Variants in ISCU observed in about 807,000 individuals in gnomAD.
ISCU encodes iron-sulfur cluster assembly enzyme ISCU.
In ISCU, 13 loss-of-function variants were observed where a neutral mutation model predicts 18.4. That is an observed-to-expected ratio of 0.71 (90% CI 0.46 to 1.12). The LOEUF (loss-of-function observed/expected upper bound fraction) is 1.12. Among genes scored for constraint, ISCU ranks in the 50% most tolerant of loss-of-function variants. The pLI, the probability that ISCU is intolerant of heterozygous loss-of-function variation, is 0.00. For missense variants in ISCU, 229 were observed against 208.7 expected (o/e 1.10, Z -0.60); for synonymous variants, 104 against 87.5 (o/e 1.19, Z -1.06).
intron 4 of ISCU, chr12:108,568,596 T>A (rs760092585): frequency 1.4e-5 from 20 of 1,398,300 alleles, no homozygotes; most frequent in Non-Finnish European, 1.7e-5. Context: ...GCTAAGGAAC[T>A]AGCCTGGGAT....
rs1475529281 is a variant in ISCU, at chr12:108,564,272, A to G, written c.115-7A>G. The G allele has an allele frequency of 6.2e-7, 1 of 1,607,792 alleles. No individual in the cohort carries two copies. The highest frequency in any genetic ancestry group is 8.5e-7 in the Non-Finnish European group (1 of 1,174,214). On this transcript the variant is annotated splice_polypyrimidine_tract_variant and splice_region_variant and intron_variant, in intron 1 of 4. Transcript: ENST00000311893. ...GAACATGATTTATCTTAACCCTCTCATTTTAGGTTGTTGATCATTATGAAA... is the reference window on the plus strand; with the variant it reads ...GAACATGATTTATCTTAACCCTCTCGTTTTAGGTTGTTGATCATTATGAAA...
At position 108,567,130 on chromosome 12, in the gene ISCU, G is replaced by T. The variant is rs10861945; in HGVS notation, c.340-60G>T. 1,042,157 of 1,270,342 alleles carry T rather than the reference G, an allele frequency of 0.82. 432,265 individuals carry two copies. Among genetic ancestry groups the T allele is most frequent in the East Asian group, 0.93 (40,140 of 43,288 alleles). 78.7% of individuals were successfully genotyped at this position (1,270,342 alleles called of 1,614,324 possible). ...CCTCTTTGGCCTCCCTTTTTTATTG[G>T]CTGGCCCTCACAAGATAAAGTGTTG... On this transcript the variant is annotated intron_variant, in intron 3 of 4. Coordinates refer to ENST00000311893, the MANE Select transcript of ISCU (RefSeq NM_213595.4).
At chr12:108,567,754 C>T (rs1199856463) in intron 4 of ISCU, 7 of 1,535,696 alleles carry the variant, frequency 4.6e-6, no homozygotes, top group Non-Finnish European at 6.1e-6. Flanking sequence ...GTATTCCTGT[C>T]GGGGTCTGCA....
Position 108,565,436 on chromosome 12 carries a change from G to C in ISCU, c.339+5G>C, listed in dbSNP as rs1258454269. The C allele has an allele frequency of 6.3e-7, 1 of 1,586,424 alleles. No homozygotes were observed. The highest frequency in any genetic ancestry group is 1.3e-5 in the African/African-American group (1 of 74,462). ...GAATGGGTGAAAGGAAAGACGGTAA[G>C]GTGGCTCACAAATCTAATGGGTCAA... is the stretch of plus-strand genomic sequence containing the variant. On this transcript the variant is annotated splice_donor_5th_base_variant and intron_variant, in intron 3 of 4. Coordinates refer to ENST00000311893, the MANE Select transcript of ISCU (RefSeq NM_213595.4).
chr12:108,563,883 C>T, intron 1 of ISCU: 1 of 621,664 alleles, frequency 1.6e-6, no homozygotes, highest in East Asian at 2.8e-5. Context: ...CTCCCTGGGC[C>T]ATGGTTATTT....
chr12:108,562,866 C>T (rs1408241268), intron 1 of ISCU, 130 bp downstream of exon 1: 4 of 468,972 alleles, frequency 8.5e-6, no homozygotes, highest in African/African-American at 4.0e-5. Context: ...ACTCGCTTTC[C>T]CTTGCTGCGC....
Position 108,562,618 on chromosome 12 carries a change from G to C in ISCU, c.-5G>C. Reference sequence around the variant, plus strand: ...TCTGGACTGGCGCAGGCGCAAGCCGGCAAGATGGCGGCGGCTGGGGCTTTC... The same window carrying C: ...TCTGGACTGGCGCAGGCGCAAGCCGCCAAGATGGCGGCGGCTGGGGCTTTC... On this transcript the variant is annotated 5_prime_UTR_variant, in exon 1 of 5. Coordinates refer to ENST00000311893, the MANE Select transcript of ISCU (RefSeq NM_213595.4). The C allele has an allele frequency of 6.9e-7, 1 of 1,457,202 alleles. No individual in the cohort carries two copies. Among genetic ancestry groups the C allele is most frequent in the African/African-American group, 1.5e-5 (1 of 68,302 alleles). The allele number at this position is 1,457,202 out of a possible 1,614,324, so 90.3% of individuals were successfully genotyped here.
At chr12:108,568,424 G>A in intron 4 of ISCU, 5 of 1,103,130 alleles carry the variant, frequency 4.5e-6, no homozygotes, top group Non-Finnish European at 5.5e-6. Flanking sequence ...TTTTTATCAT[G>A]ACAAGATTTT....
chr12:108,563,999 GTAT>G, intron 1 of ISCU: 1 of 1,138,242 alleles, frequency 8.8e-7, no homozygotes, highest in Non-Finnish European at 1.3e-6. Context: ...TGAAAGTCAA[GTAT>G]TTTTGTAAAA....
At chr12:108,568,592 G>C (rs880844) in intron 4 of ISCU, 1 of 1,392,820 alleles carries the variant, frequency 7.2e-7, no homozygotes, top group Non-Finnish European at 9.3e-7. Flanking sequence ...AGAGGCTAAG[G>C]AACTAGCCTG....
In ISCU at chr12:108,569,000, T is replaced by G; in HGVS notation, c.*84T>G. The G allele has an allele frequency of 8.6e-7, 1 of 1,159,516 alleles. No homozygotes were observed. The highest frequency in any genetic ancestry group is 2.5e-5 in the East Asian group (1 of 40,314). 71.8% of individuals were successfully genotyped at this position (1,159,516 alleles called of 1,614,324 possible). On this transcript the variant is annotated 3_prime_UTR_variant, in exon 5 of 5. Transcript: ENST00000311893. ...GTCACCTTAGATGTTCAGAAGCCGC[T>G]TCCTCTCCACTGAAGAGCTATGAGA...
rs750191026 is a variant in ISCU, at chr12:108,562,663, C to T, written c.41C>T (p.Ser14Leu). 47 of 1,453,568 alleles carry T rather than the reference C, an allele frequency of 3.2e-5. No individual in the cohort carries two copies. Among genetic ancestry groups the T allele is most frequent in the East Asian group, 8.7e-5 (3 of 34,628 alleles). 90.0% of individuals were successfully genotyped at this position (1,453,568 alleles called of 1,614,324 possible). Residue 14 changes from serine (S) to leucine (L), a missense_variant, in exon 1 of 5, where the codon TCG becomes TTG. Coordinates refer to ENST00000311893, the MANE Select transcript of ISCU (RefSeq NM_213595.4). ...AGAFRLRRAA[S>L]ALLLRSPRLP... ...GCTTTCCGTCTGAGGCGGGCGGCAT[C>T]GGCTCTGCTGCTGCGGAGCCCCCGC...
At chr12:108,563,122 G>C (rs935475134) in intron 1 of ISCU, 11 of 165,092 alleles carry the variant, frequency 6.7e-5, no homozygotes, top group Non-Finnish European at 1.2e-4. Flanking sequence ...GCGCCTCTCT[G>C]AACCTGTTTC....
At chr12:108,568,668 G>T (rs2136722218) in intron 4 of ISCU, 163 bp from the exon 5 acceptor site, 1 of 1,473,048 alleles carries the variant, frequency 6.8e-7, no homozygotes, top group East Asian at 2.5e-5. Flanking sequence ...AGCTCAGGAA[G>T]CAGCTGCTGA....
chr12:108,566,761 C>T (rs2030916434), intron 3 of ISCU, among the ~76,000 whole-genome samples: 1 of 152,234 alleles, frequency 6.6e-6, no homozygotes, highest in Non-Finnish European at 1.5e-5. Flanking sequence ...TTCCCAACCT[C>T]TCTGATGCCA....
At chr12:108,564,015 C>G (rs182598435) in intron 1 of ISCU, 2 of 1,283,432 alleles carry the variant, frequency 1.6e-6, no homozygotes, top group East Asian at 2.3e-5. Context: ...TTGTAAAAAT[C>G]CTATGGAACT....
intron 4 of ISCU, chr12:108,567,816 T>C: frequency 6.6e-7 from 1 of 1,522,766 alleles, no homozygotes; most frequent in Non-Finnish European, 8.8e-7. Flanking sequence ...CCCTCCCTGC[T>C]ATCCTAAAAA....
intron 4 of ISCU, chr12:108,568,107 G>A: frequency 1.5e-6 from 2 of 1,372,608 alleles, no homozygotes; most frequent in East Asian, 2.6e-5. Context: ...CTTTCCACTT[G>A]ATCTGGAATT....
chr12:108,566,208 G>A (rs1319521696), intron 3 of ISCU, among the ~76,000 whole-genome samples: 1 of 152,272 alleles, frequency 6.6e-6, no homozygotes, highest in African/African-American at 2.4e-5. Flanking sequence ...GCCAGGCCAC[G>A]TGCCACCTGC....
Sources: allele counts gnomAD v4.1 joint callset (sites outside exome capture counted in the v4.1 genomes callset), GRCh38; gene constraint gnomAD v4.1.1; transcripts MANE v1.5; gene names NCBI Gene and HGNC (gene_info 2026-07-23, HGNC 2026-07-21).